The following CEACAM19 variants were observed in gnomAD, a reference collection of about 807,000 sequenced individuals.
The protein encoded by CEACAM19 is cell adhesion molecule CEACAM19.
A neutral mutation model predicts 37.6 loss-of-function variants in CEACAM19; 37 were observed. The observed-to-expected ratio is 0.98, with a 90% CI of 0.76 to 1.29. The LOEUF (loss-of-function observed/expected upper bound fraction) is 1.29, where lower values mean the gene tolerates loss of function less well. CEACAM19 is among the 50% of genes most tolerant of loss of function. CEACAM19 has a pLI of 0.00. For missense variants in CEACAM19, 340 were observed against 375.6 expected (o/e 0.91, Z 0.78); for synonymous variants, 140 against 149.8 (o/e 0.93, Z 0.48).
chr19:44,674,512 C>T (rs2122131036), intron 2 of CEACAM19, among the ~76,000 whole-genome samples: 1 of 152,006 alleles, frequency 6.6e-6, no homozygotes, highest in Admixed American at 6.6e-5. Flanking sequence ...GCGATCCTCC[C>T]ACCTCAGCTT....
intron 1 of CEACAM19, 50 bp from the exon 2 acceptor site, chr19:44,672,546 G>A (rs183297703): frequency 7.0e-7 from 1 of 1,431,242 alleles, no homozygotes; most frequent in East Asian, 2.6e-5. Context: ...AGCATGCCAT[G>A]GTCCCTGGCA....
chr19:44,684,210 T>A lies in CEACAM19; in HGVS notation c.*720T>A, dbSNP rs1172103040. 6.6e-6 allele frequency: 1 copy of A among 152,268 alleles called. No homozygotes were observed. The highest frequency in any genetic ancestry group is 2.4e-5 in the African/African-American group (1 of 41,432). 9.4% of individuals were successfully genotyped at this position (152,268 alleles called of 1,614,324 possible). A position where few individuals can be genotyped will look rare whatever the true frequency, so the allele number is the denominator to read the frequency against. ...GTCCTCCCCTTCCCCAAACTATGCA[T>A]TCATTCAGCAATAAATGAGCCTTTG... On this transcript the variant is annotated 3_prime_UTR_variant, in exon 8 of 8. Transcript: ENST00000358777.
intron 6 of CEACAM19, among the ~76,000 whole-genome samples, chr19:44,681,927 TCCC>T: frequency 7.2e-6 from 1 of 139,712 alleles, no homozygotes; most frequent in Non-Finnish European, 1.5e-5. Context: ...CGAGACTCCA[TCCC>T]AAAAAAAAAA....
chr19:44,683,517 A>T lies in CEACAM19; in HGVS notation c.*27A>T. On this transcript the variant is annotated 3_prime_UTR_variant, in exon 8 of 8. Coordinates refer to ENST00000358777, the MANE Select transcript of CEACAM19 (RefSeq NM_001127893.3). The stretch of plus-strand genomic sequence containing the variant: ...GGGTCCTGGGCCAGGCCAGCCAGGG[A>T]GAAGACAAGGCCCCAGCCCTCCTCT... 1 of 1,474,442 alleles carries T rather than the reference A, an allele frequency of 6.8e-7. No individual in the cohort carries two copies. Among genetic ancestry groups the T allele is most frequent in the South Asian group, 1.3e-5 (1 of 76,922 alleles). 91.3% of individuals were successfully genotyped at this position (1,474,442 alleles called of 1,614,324 possible).
At chr19:44,670,374 T>C (rs1296091176), upstream of CEACAM19, among the ~76,000 whole-genome samples, 1 of 146,692 alleles carries the variant, frequency 6.8e-6, no homozygotes, top group African/African-American at 2.5e-5. Flanking sequence ...TCCAAAAAAG[T>C]ACAAAACATA....
chr19:44,678,452 C>T (rs1391866042), intron 3 of CEACAM19: 1 of 157,760 alleles, frequency 6.3e-6, no homozygotes, highest in Non-Finnish European at 1.4e-5. Context: ...CTCTTGTCGC[C>T]CAGGCTGGAA....
At chr19:44,680,705 C>A (rs1225656912) in intron 5 of CEACAM19, among the ~76,000 whole-genome samples, 4 of 152,132 alleles carry the variant, frequency 2.6e-5, no homozygotes, top group Admixed American at 1.3e-4. Context: ...TCATGTTACT[C>A]CTCTGCTCAA....
chr19:44,668,744 TATA>T (rs1223958208), upstream of CEACAM19, among the ~76,000 whole-genome samples: 57 of 103,702 alleles, frequency 5.5e-4, 6 homozygotes, highest in African/African-American at 2.5e-3. Context: ...TAATATATAA[TATA>T]ATATAATATA....
intron 6 of CEACAM19, 129 bp downstream of exon 6, chr19:44,681,441 T>G (rs998234872): frequency 1.7e-6 from 1 of 587,060 alleles, no homozygotes; most frequent in Admixed American, 3.4e-5. Context: ...TATTGTTCCC[T>G]GTTTTTAAAA....
At chr19:44,673,113 G>A in intron 2 of CEACAM19, 149 bp downstream of exon 2, 1 of 566,220 alleles carries the variant, frequency 1.8e-6, no homozygotes, top group Non-Finnish European at 2.7e-6. Flanking sequence ...CCAATCCCCA[G>A]AGATAGTCTT....
chr19:44,680,424 A>C, intron 5 of CEACAM19, 90 bp downstream of exon 5: 2 of 1,201,402 alleles, frequency 1.7e-6, no homozygotes, highest in Middle Eastern at 2.7e-4. Flanking sequence ...ATTCTCCCTC[A>C]CTCAGAGACC....
At chr19:44,667,580 T>A (rs1377533589), upstream of CEACAM19, among the ~76,000 whole-genome samples, 1 of 112,176 alleles carries the variant, frequency 8.9e-6, no homozygotes, top group African/African-American at 3.4e-5. Context: ...ATATAAATTA[T>A]ATATGTATAT....
At chr19:44,668,769 A>G (rs891601090), upstream of CEACAM19, among the ~76,000 whole-genome samples, 3 of 114,576 alleles carry the variant, frequency 2.6e-5, no homozygotes, top group African/African-American at 1.1e-4. Context: ...TATATATAAT[A>G]TAATATATAA....
rs371831848 is a variant in CEACAM19, at chr19:44,681,315, G to A, written c.792+3G>A. On this transcript the variant is annotated splice_donor_region_variant and intron_variant, in intron 6 of 7. Transcript: ENST00000358777. Reference sequence around the variant, plus strand: ...CAAGGTCCATAAACCCAGCCCGGGTGAGTCCCGTCCCCAGCCTCTCCCCTG... The same window carrying A: ...CAAGGTCCATAAACCCAGCCCGGGTAAGTCCCGTCCCCAGCCTCTCCCCTG... 6.2e-7 allele frequency: 1 copy of A among 1,610,006 alleles called. No homozygotes were observed. The highest frequency in any genetic ancestry group is 8.5e-7 in the Non-Finnish European group (1 of 1,176,738).
intron 6 of CEACAM19, among the ~76,000 whole-genome samples, chr19:44,681,773 T>C (rs958382332): frequency 3.3e-5 from 5 of 151,440 alleles, no homozygotes; most frequent in Admixed American, 3.3e-4. Context: ...CTACTAAAAA[T>C]ACAAAAATTA....
chr19:44,675,425 A>G (rs990016492), intron 2 of CEACAM19, among the ~76,000 whole-genome samples: 1 of 151,996 alleles, frequency 6.6e-6, no homozygotes, highest in Non-Finnish European at 1.5e-5. Context: ...TCTCCTGCAA[A>G]ACACAGCCCA....
upstream of CEACAM19, chr19:44,667,464 G>A (rs1309113574): frequency 1.4e-5 from 2 of 146,200 alleles, no homozygotes; most frequent in Admixed American, 1.5e-4. Flanking sequence ...ATTTTTTAAT[G>A]CATTTAATTT....
intron 3 of CEACAM19, chr19:44,677,706 T>C (rs959480582): frequency 3.9e-5 from 6 of 152,056 alleles, no homozygotes; most frequent in African/African-American, 1.4e-4. Context: ...TTTTTTTTTT[T>C]TGAGACAGAG....
upstream of CEACAM19, among the ~76,000 whole-genome samples, chr19:44,668,300 ATATGTTTATATATTAT>A (rs1973778622): frequency 2.6e-5 from 2 of 78,046 alleles, no homozygotes; most frequent in African/African-American, 6.0e-5. Flanking sequence ...TATTTATATA[ATATGTTTATATATTAT>A]TATATTTATA....
Sources: gnomAD v4.1 joint callset for allele counts (sites outside exome capture counted in the v4.1 genomes callset) on GRCh38, gnomAD v4.1.1 for gene constraint, MANE v1.5 for transcripts, NCBI Gene and HGNC (gene_info 2026-07-23, HGNC 2026-07-21) for gene names.